CSGALNACT1: variants seen among roughly 807,000 people sequenced by gnomAD.
The protein encoded by CSGALNACT1 is beta4GalNAcT-1.
A neutral mutation model predicts 51.0 loss-of-function variants in CSGALNACT1; 52 were observed. That is an observed-to-expected ratio of 1.02 (90% CI 0.82 to 1.29). The LOEUF (loss-of-function observed/expected upper bound fraction) is 1.29. Among genes scored for constraint, CSGALNACT1 ranks in the 50% most tolerant of loss-of-function variants. The pLI is 0.00. For missense variants in CSGALNACT1, 935 were observed against 679.2 expected (o/e 1.38, Z -4.19); for synonymous variants, 341 against 254.4 (o/e 1.34, Z -3.24).
rs75083617 is a variant in CSGALNACT1, at chr8:19,587,450, C to A, written c.-297+3710G>T. 2.9e-4 allele frequency among the ~76,000 whole-genome samples: 44 copies of A among 152,290 alleles called. 1 individual carries two copies. The East Asian group carries it at 6.6e-3, about 23-fold the overall frequency. ...AAGGATGCTGTGTCCCACCCTCCCC[C>A]ACCTAGGATGGGGCTCCAAACATCT... On this transcript the variant is annotated intron_variant, in intron 3 of 9. Coordinates refer to ENST00000454498, the Ensembl canonical transcript of CSGALNACT1.
At chr8:19,668,288 A>G (rs1478853542) in intron 1 of CSGALNACT1, among the ~76,000 whole-genome samples, 1 of 152,062 alleles carries the variant, frequency 6.6e-6, no homozygotes, top group Non-Finnish European at 1.5e-5. Flanking sequence ...GACACCCCTC[A>G]GCTTCCTTAG....
chr8:19,465,997 C>A (rs757913209), intron 4 of CSGALNACT1, among the ~76,000 whole-genome samples: 2 of 152,090 alleles, frequency 1.3e-5, no homozygotes, highest in Non-Finnish European at 2.9e-5. Flanking sequence ...CTCACTGTAC[C>A]CAGAGATAAC....
At chr8:19,424,557 G>A (rs1163455647) in intron 6 of CSGALNACT1, among the ~76,000 whole-genome samples, 1 of 152,186 alleles carries the variant, frequency 6.6e-6, no homozygotes, top group Non-Finnish European at 1.5e-5. Context: ...TAGAAGTGGG[G>A]CAGCCTCCTC....
intron 1 of CSGALNACT1, among the ~76,000 whole-genome samples, chr8:19,656,806 G>A (rs1056918989): frequency 6.6e-6 from 1 of 152,112 alleles, no homozygotes; most frequent in African/African-American, 2.4e-5. Context: ...AGTGGCTCAC[G>A]CCTGTTATCC....
At chr8:19,527,328 C>T (rs2081917222) in intron 3 of CSGALNACT1, among the ~76,000 whole-genome samples, 1 of 152,146 alleles carries the variant, frequency 6.6e-6, no homozygotes, top group African/African-American at 2.4e-5. Context: ...GGGCCAGGAA[C>T]AGTGGCTCAC....
intron 1 of CSGALNACT1, among the ~76,000 whole-genome samples, chr8:19,627,051 G>A (rs955377068): frequency 2.6e-5 from 4 of 152,022 alleles, no homozygotes; most frequent in Admixed American, 2.6e-4. Context: ...CATACCCTTG[G>A]GTATTTATCC....
intron 3 of CSGALNACT1, among the ~76,000 whole-genome samples, chr8:19,551,916 T>C (rs1275475105): frequency 6.6e-6 from 1 of 152,202 alleles, no homozygotes; most frequent in East Asian, 1.9e-4. Flanking sequence ...TCAAAAATCT[T>C]TCCATCATGA....
chr8:19,439,558 C>T (rs1334866646), intron 6 of CSGALNACT1, among the ~76,000 whole-genome samples: 1 of 152,206 alleles, frequency 6.6e-6, no homozygotes, highest in Admixed American at 6.5e-5. Context: ...TATGGAAGCT[C>T]AAAGGAGCTC....
chr8:19,693,332 C>T (rs2061424299), intron 1 of CSGALNACT1, among the ~76,000 whole-genome samples: 1 of 152,098 alleles, frequency 6.6e-6, no homozygotes, highest in Non-Finnish European at 1.5e-5. Flanking sequence ...CACCCCCATG[C>T]AGATGCAGTT....
At chr8:19,749,965 CT>C (rs1404317104) in intron 1 of CSGALNACT1, among the ~76,000 whole-genome samples, 2 of 152,168 alleles carry the variant, frequency 1.3e-5, no homozygotes, top group African/African-American at 4.8e-5. Flanking sequence ...CTCCTCTGAG[CT>C]TTTTAGCAGA....
At chr8:19,411,411 C>T (rs779290994) in intron 8 of CSGALNACT1, among the ~76,000 whole-genome samples, 1 of 152,192 alleles carries the variant, frequency 6.6e-6, no homozygotes, top group Non-Finnish European at 1.5e-5. Flanking sequence ...AGAACATTGT[C>T]CAGCACACAG....
chr8:19,467,077 C>T (rs1481893348), intron 4 of CSGALNACT1, among the ~76,000 whole-genome samples: 1 of 146,326 alleles, frequency 6.8e-6, no homozygotes, highest in Non-Finnish European at 1.5e-5. Context: ...ACTTAGAGTG[C>T]CTTCTCATTT....
intron 1 of CSGALNACT1, among the ~76,000 whole-genome samples, chr8:19,625,722 G>T (rs554583355): frequency 1.3e-5 from 2 of 152,274 alleles, no homozygotes; most frequent in East Asian, 1.9e-4. Flanking sequence ...GTACGAAAAA[G>T]AAGTAAGATT....
chr8:19,421,779 T>G (rs578193900), intron 6 of CSGALNACT1, among the ~76,000 whole-genome samples: 1 of 152,372 alleles, frequency 6.6e-6, no homozygotes, highest in East Asian at 1.9e-4. Flanking sequence ...ACTCATCTTC[T>G]TCTTTTGGAT....
At chr8:19,506,474 A>T (rs2077351099) in intron 3 of CSGALNACT1, among the ~76,000 whole-genome samples, 1 of 152,218 alleles carries the variant, frequency 6.6e-6, no homozygotes, top group Non-Finnish European at 1.5e-5. Context: ...TAAAGGGAGA[A>T]AAGCAAAAAT....
chr8:19,474,758 C>T (rs939700754), intron 4 of CSGALNACT1, among the ~76,000 whole-genome samples: 3 of 151,452 alleles, frequency 2.0e-5, no homozygotes, highest in Non-Finnish European at 4.4e-5. Flanking sequence ...ATCCCAGCTA[C>T]TCAGGAGGCT....
exon 10 of CSGALNACT1, chr8:19,404,319 T>A (rs2053738382): frequency 2.2e-6 from 1 of 453,600 alleles, no homozygotes; most frequent in African/African-American, 2.0e-5. Flanking sequence ...AACAATGAGT[T>A]TACTGTGAGC....
chr8:19,477,639 G>C lies in CSGALNACT1; in HGVS notation c.635-18997C>G, dbSNP rs545130356. On this transcript the variant is annotated intron_variant, in intron 4 of 9. Transcript: ENST00000454498. ...AATGGTCTTCATATCCCAATTAAAA[G>C]GAAGGGCAGGCTCTAGAGCCGGGTG... Among the ~76,000 whole-genome samples, 61 of 152,314 alleles carry C rather than the reference G, an allele frequency of 4.0e-4. No homozygotes were observed. The South Asian group carries it at 0.011, about 27-fold the overall frequency.
intron 1 of CSGALNACT1, among the ~76,000 whole-genome samples, chr8:19,753,369 T>A (rs1276572875): frequency 2.0e-5 from 3 of 152,118 alleles, no homozygotes; most frequent in Non-Finnish European, 4.4e-5. Context: ...AAAAACCAGA[T>A]TGTCTTACCG....
Sources: gnomAD v4.1 joint callset for allele counts (sites outside exome capture counted in the v4.1 genomes callset) on GRCh38, gnomAD v4.1.1 for gene constraint, MANE v1.5 for transcripts, NCBI Gene and HGNC (gene_info 2026-07-23, HGNC 2026-07-21) for gene names.